PRKCH: variants seen among roughly 807,000 people sequenced by gnomAD.
PRKCH encodes protein kinase C eta type.
PRKCH carries 28 observed loss-of-function variants against 82.5 expected under a neutral mutation model. That is an observed-to-expected ratio of 0.34 (90% CI 0.25 to 0.47). PRKCH has a LOEUF of 0.47. PRKCH is among the 20% of genes least tolerant of loss of function. The pLI, the probability that PRKCH is intolerant of heterozygous loss-of-function variation, is 1.00. For synonymous variants in PRKCH, 322 were observed against 327.4 expected, an observed-to-expected ratio of 0.98 and a Z score of 0.18; for missense variants, 705 against 881.8, an observed-to-expected ratio of 0.80 and a Z score of 2.54.
chr14:61,207,028 C>G (rs923985760), intron 1 of PRKCH, among the ~76,000 whole-genome samples: 4 of 147,336 alleles, frequency 2.7e-5, no homozygotes, highest in Non-Finnish European at 4.4e-5. Flanking sequence ...ATCGCTTGAA[C>G]CCAGCAGGTG....
chr14:61,380,687 T>G (rs2046493776), intron 1 of PRKCH, among the ~76,000 whole-genome samples: 1 of 152,196 alleles, frequency 6.6e-6, no homozygotes, highest in African/African-American at 2.4e-5. Context: ...AAGGCATCCT[T>G]CATTTAATTT....
At chr14:61,466,256 C>G (rs1885250655) in intron 9 of PRKCH, among the ~76,000 whole-genome samples, 1 of 152,154 alleles carries the variant, frequency 6.6e-6, no homozygotes, top group South Asian at 2.1e-4. Context: ...AGGAATAAGC[C>G]ATTATTAAGT....
chr14:61,354,404 T>TTGTGTGTG (rs3028729), intron 1 of PRKCH, among the ~76,000 whole-genome samples: 461 of 148,444 alleles, frequency 3.1e-3, no homozygotes, highest in South Asian at 5.6e-3. Context: ...CTGTTTCTAT[T>TTGTGTGTG]TGTGTGTGTG....
chr14:61,397,911 A>G (rs2046809917), intron 2 of PRKCH, among the ~76,000 whole-genome samples: 1 of 151,556 alleles, frequency 6.6e-6, no homozygotes. Flanking sequence ...CTGAACTTAG[A>G]TAGAGCAAGA....
intron 1 of PRKCH, chr14:61,303,913 CTA>C (rs531125638): frequency 1.3e-5 from 2 of 151,186 alleles, no homozygotes; most frequent in South Asian, 4.2e-4. Context: ...TGAAAATGTT[CTA>C]TGTCTTTCCA....
intron 12 of PRKCH, among the ~76,000 whole-genome samples, chr14:61,534,838 G>A (rs3825650): frequency 0.095 from 14,398 of 152,122 alleles, 1,909 homozygotes; most frequent in African/African-American, 0.3. Flanking sequence ...TATAGTGCCC[G>A]CTTCAAATAA....
At chr14:61,449,940 A>G (rs1033170476) in intron 5 of PRKCH, among the ~76,000 whole-genome samples, 2 of 151,558 alleles carry the variant, frequency 1.3e-5, no homozygotes, top group East Asian at 3.9e-4. Context: ...ATAAGCTTCA[A>G]CATCATTCTT....
At chr14:61,394,203 G>C (rs1957909) in intron 2 of PRKCH, among the ~76,000 whole-genome samples, 151,807 of 152,256 alleles carry the variant, frequency 1, 75,683 homozygotes, top group Middle Eastern at 1. Flanking sequence ...TATATCGTCT[G>C]CATTATTAAA....
intron 2 of PRKCH, among the ~76,000 whole-genome samples, chr14:61,417,734 T>A (rs1882633972): frequency 6.6e-6 from 1 of 152,190 alleles, no homozygotes. Context: ...ATGGTCCTAA[T>A]AGACTGTTTC....
intron 2 of PRKCH, among the ~76,000 whole-genome samples, chr14:61,416,095 C>T (rs1420603254): frequency 4.7e-5 from 6 of 128,274 alleles, no homozygotes; most frequent in African/African-American, 1.2e-4. Flanking sequence ...GTCACTGTCA[C>T]CCTGGTTGGT....
chr14:61,458,527 C>G (rs1401865191), intron 9 of PRKCH, among the ~76,000 whole-genome samples: 1 of 152,148 alleles, frequency 6.6e-6, no homozygotes, highest in Non-Finnish European at 1.5e-5. Flanking sequence ...GGCCAGTCCC[C>G]TTTTCTCAGG....
At chr14:61,443,954 C>T (rs1159073864) in intron 3 of PRKCH, among the ~76,000 whole-genome samples, 2 of 152,164 alleles carry the variant, frequency 1.3e-5, no homozygotes, top group East Asian at 1.9e-4. Context: ...CTCACACACC[C>T]ATCTCAGAAG....
chr14:61,231,509 C>A (rs551335776), intron 1 of PRKCH, among the ~76,000 whole-genome samples: 1 of 151,932 alleles, frequency 6.6e-6, no homozygotes, highest in South Asian at 2.1e-4. Flanking sequence ...ACTATAGGCA[C>A]CCGCCACCAC....
intron 7 of PRKCH, among the ~76,000 whole-genome samples, chr14:61,453,975 A>T (rs189857412): frequency 5.9e-5 from 9 of 152,272 alleles, no homozygotes; most frequent in African/African-American, 2.2e-4. Context: ...AGCATTTTTA[A>T]TAGCAATTTG....
In PRKCH at chr14:61,339,424, C is replaced by T. The variant is rs188313012; in HGVS notation, c.363+16960C>T. ...CTGCAAGCTTTGCCTCCCGGGTTCACGCCATTCTCCTGCCTCAGCCTCCCG... is the reference window on the plus strand; with the variant it reads ...CTGCAAGCTTTGCCTCCCGGGTTCATGCCATTCTCCTGCCTCAGCCTCCCG... On this transcript the variant is annotated intron_variant, in intron 1 of 13. Transcript: ENST00000332981. 4.1e-3 allele frequency among the ~76,000 whole-genome samples: 615 copies of T among 149,680 alleles called. 4 individuals carry two copies. Among genetic ancestry groups the T allele is most frequent in the African/African-American group, 0.013 (533 of 40,712 alleles).
chr14:61,274,132 A>G (rs2140087762), intron 1 of PRKCH, among the ~76,000 whole-genome samples: 1 of 152,374 alleles, frequency 6.6e-6, no homozygotes, highest in Admixed American at 6.5e-5. Flanking sequence ...GAAGACTTGC[A>G]AAGAACTTCA....
intron 10 of PRKCH, among the ~76,000 whole-genome samples, chr14:61,485,924 G>C (rs1035215666): frequency 6.6e-6 from 1 of 152,136 alleles, no homozygotes; most frequent in Non-Finnish European, 1.5e-5. Flanking sequence ...ACTACACATG[G>C]CTAATTTTTA....
At chr14:61,348,929 C>T (rs551960379) in intron 1 of PRKCH, among the ~76,000 whole-genome samples, 38 of 152,388 alleles carry the variant, frequency 2.5e-4, no homozygotes, top group Non-Finnish European at 5.1e-4. Context: ...GAAGCACTCT[C>T]TTAGTATTTG....
chr14:61,190,799 C>T (rs1391196968), intron 1 of PRKCH, among the ~76,000 whole-genome samples: 1 of 152,210 alleles, frequency 6.6e-6, no homozygotes, highest in African/African-American at 2.4e-5. Context: ...TCATATGTCA[C>T]TTCCTCAGAG....
Sources: gnomAD v4.1 joint callset for allele counts (sites outside exome capture counted in the v4.1 genomes callset) on GRCh38, gnomAD v4.1.1 for gene constraint, MANE v1.5 for transcripts, NCBI Gene and HGNC (gene_info 2026-07-23, HGNC 2026-07-21) for gene names.